The following FOXP1 variants were observed in gnomAD, a reference collection of about 807,000 sequenced individuals.
The protein encoded by FOXP1 is forkhead box P1, also known as forkhead box protein P1.
A neutral mutation model predicts 98.2 loss-of-function variants in FOXP1; 15 were observed. That is an observed-to-expected ratio of 0.15 (90% CI 0.10 to 0.24). The LOEUF (loss-of-function observed/expected upper bound fraction) is 0.24. Among genes scored for constraint, FOXP1 ranks in the 10% least tolerant of loss-of-function variants. The pLI is 1.00. For missense variants in FOXP1, 633 were observed against 848.5 expected, an observed-to-expected ratio of 0.75 and a Z score of 3.15; for synonymous variants, 371 against 314.5, an observed-to-expected ratio of 1.18 and a Z score of -1.90.
intron 7 of FOXP1, among the ~76,000 whole-genome samples, chr3:71,061,609 T>C (rs2107272142): frequency 1.3e-5 from 2 of 152,296 alleles, no homozygotes; most frequent in Non-Finnish European, 2.9e-5. Context: ...AACACACATA[T>C]AGACACAATT....
chr3:71,200,240 A>G (rs542347337), intron 5 of FOXP1, among the ~76,000 whole-genome samples: 7 of 152,344 alleles, frequency 4.6e-5, no homozygotes, highest in Non-Finnish European at 1.0e-4. Context: ...AAAGACAGAT[A>G]GCATTTGCTA....
At chr3:71,235,111 CT>C (rs1370848909) in intron 5 of FOXP1, among the ~76,000 whole-genome samples, 1 of 134,638 alleles carries the variant, frequency 7.4e-6, no homozygotes, top group African/African-American at 2.8e-5. Context: ...CCAGTGAAGG[CT>C]TCCATTTATT....
chr3:71,174,782 G>GCACACACACA (rs1447733301), intron 6 of FOXP1, among the ~76,000 whole-genome samples: 3 of 73,206 alleles, frequency 4.1e-5, no homozygotes, highest in Non-Finnish European at 8.7e-5. Flanking sequence ...GTATGCACAT[G>GCACACACACA]CATACACACA....
chr3:71,268,005 G>A (rs1291689976), intron 5 of FOXP1, among the ~76,000 whole-genome samples: 3 of 125,412 alleles, frequency 2.4e-5, no homozygotes, highest in South Asian at 2.9e-4. Flanking sequence ...GCGACAAAGC[G>A]AGACTCCGTC....
At chr3:71,542,312 T>G (rs1479243629) in intron 2 of FOXP1, among the ~76,000 whole-genome samples, 6 of 152,204 alleles carry the variant, frequency 3.9e-5, no homozygotes, top group Admixed American at 2.6e-4. Context: ...TTTGTTGTTG[T>G]TTGCACCCAA....
intron 5 of FOXP1, among the ~76,000 whole-genome samples, chr3:71,286,980 A>C (rs536993433): frequency 2.0e-5 from 3 of 152,346 alleles, no homozygotes; most frequent in South Asian, 4.1e-4. Flanking sequence ...AATAACTGGA[A>C]GGAATCTAAA....
intron 11 of FOXP1, among the ~76,000 whole-genome samples, chr3:71,039,681 G>C (rs2048073807): frequency 6.6e-6 from 1 of 151,422 alleles, no homozygotes; most frequent in African/African-American, 2.4e-5. Flanking sequence ...TCAACCTTAG[G>C]GCATCAAAAC....
At chr3:71,284,106 T>A (rs2071852780) in intron 5 of FOXP1, among the ~76,000 whole-genome samples, 1 of 152,116 alleles carries the variant, frequency 6.6e-6, no homozygotes, top group Non-Finnish European at 1.5e-5. Context: ...AACAAAAAAA[T>A]GTTGAAACTC....
At chr3:71,418,145 G>A (rs914254308) in intron 3 of FOXP1, among the ~76,000 whole-genome samples, 5 of 150,172 alleles carry the variant, frequency 3.3e-5, no homozygotes, top group African/African-American at 1.3e-4. Flanking sequence ...GTGTGTGTGT[G>A]TGTTTCCACT....
At chr3:71,470,006 G>A (rs2089170975) in intron 3 of FOXP1, among the ~76,000 whole-genome samples, 1 of 151,690 alleles carries the variant, frequency 6.6e-6, no homozygotes, top group South Asian at 2.1e-4. Context: ...CTCTCCTCTC[G>A]CTTTCCAACT....
chr3:71,384,242 AAACC>A (rs530075935), intron 3 of FOXP1, among the ~76,000 whole-genome samples: 132 of 152,032 alleles, frequency 8.7e-4, no homozygotes, highest in Non-Finnish European at 1.6e-3. Flanking sequence ...ACAAACAAAC[AAACC>A]AACAAACAAA....
chr3:71,269,384 T>A (rs1208655390), intron 5 of FOXP1, among the ~76,000 whole-genome samples: 3 of 152,190 alleles, frequency 2.0e-5, no homozygotes, highest in African/African-American at 7.2e-5. Context: ...TGTGTATTCA[T>A]CTAGACCTGA....
Position 71,483,696 on chromosome 3 carries a change from C to A in FOXP1, c.-168+9730G>T, listed in dbSNP as rs73837171. Among the ~76,000 whole-genome samples the A allele has an allele frequency of 6.0e-3, 920 of 152,264 alleles. 12 individuals are homozygous for A. The highest frequency in any genetic ancestry group is 0.021 in the African/African-American group (867 of 41,564). ...TAAATAGTTGTAACAGACCAGGTGG[C>A]TTGCAAAGCCTAAAATGTTTACTAT... On this transcript the variant is annotated intron_variant, in intron 3 of 20. Coordinates refer to ENST00000649528, the MANE Select transcript of FOXP1 (RefSeq NM_001349338.3).
chr3:71,009,513 T>C (rs2043279390), intron 12 of FOXP1, among the ~76,000 whole-genome samples: 1 of 152,166 alleles, frequency 6.6e-6, no homozygotes, highest in Admixed American at 6.6e-5. Flanking sequence ...TGTGGGACTT[T>C]TTACCAGAGG....
intron 3 of FOXP1, among the ~76,000 whole-genome samples, chr3:71,392,731 T>C (rs916554660): frequency 6.6e-6 from 1 of 152,246 alleles, no homozygotes; most frequent in Non-Finnish European, 1.5e-5. Flanking sequence ...GCACTTGGCC[T>C]AGGTCGCAAT....
intron 7 of FOXP1, among the ~76,000 whole-genome samples, chr3:71,085,015 A>G (rs1022058088): frequency 6.6e-6 from 1 of 152,204 alleles, no homozygotes; most frequent in East Asian, 1.9e-4. Flanking sequence ...TTGGGCATAA[A>G]ATAGTCATTC....
At chr3:71,163,406 G>A (rs1335819015) in intron 6 of FOXP1, among the ~76,000 whole-genome samples, 1 of 152,148 alleles carries the variant, frequency 6.6e-6, no homozygotes, top group African/African-American at 2.4e-5. Flanking sequence ...TTTGAAATAT[G>A]TAGTAGACAA....
At chr3:71,526,649 C>T (rs2043403527) in intron 2 of FOXP1, among the ~76,000 whole-genome samples, 1 of 152,138 alleles carries the variant, frequency 6.6e-6, no homozygotes, top group Admixed American at 6.5e-5. Flanking sequence ...CTCAGCCATC[C>T]CACCCATGCA....
At chr3:70,981,349 G>A (rs2038827280) in intron 14 of FOXP1, among the ~76,000 whole-genome samples, 1 of 152,112 alleles carries the variant, frequency 6.6e-6, no homozygotes, top group Non-Finnish European at 1.5e-5. Flanking sequence ...AGCAGAGAGG[G>A]GGCTTACCAG....
Sources: gnomAD v4.1 joint callset for allele counts (sites outside exome capture counted in the v4.1 genomes callset) on GRCh38, gnomAD v4.1.1 for gene constraint, MANE v1.5 for transcripts, NCBI Gene and HGNC (gene_info 2026-07-23, HGNC 2026-07-21) for gene names.